Variants in SRP54 observed in about 807,000 individuals in gnomAD.
SRP54 encodes signal recognition particle subunit SRP54.
A neutral mutation model predicts 64.8 loss-of-function variants in SRP54; 10 were observed. The ratio of observed to expected loss-of-function variants is 0.15; its 90% CI spans 0.10 to 0.26. The LOEUF is 0.26. SRP54 is among the 10% of genes least tolerant of loss of function. The pLI is 1.00. For missense variants in SRP54, 325 were observed against 613.7 expected (o/e 0.53, Z 4.97); for synonymous variants, 193 against 185.6 (o/e 1.04, Z -0.32).
intron 4 of SRP54, among the ~76,000 whole-genome samples, chr14:35,004,964 TTCTC>T (rs1479484133): frequency 1.3e-5 from 2 of 152,312 alleles, no homozygotes; most frequent in African/African-American, 4.8e-5. Context: ...TTGGCAGACT[TTCTC>T]TCAAAGGTTT....
chr14:35,015,569 A>T (rs2139011182), intron 11 of SRP54, among the ~76,000 whole-genome samples: 1 of 152,278 alleles, frequency 6.6e-6, no homozygotes, highest in Non-Finnish European at 1.5e-5. Flanking sequence ...ATAACTTTTT[A>T]AATTACTTAG....
At chr14:35,012,046 G>A (rs12896759) in intron 8 of SRP54, among the ~76,000 whole-genome samples, 27,456 of 151,632 alleles carry the variant, frequency 0.18, 2,705 homozygotes, top group East Asian at 0.38. Context: ...GTGAAACTCC[G>A]TCTCTACTAA....
At chr14:34,993,564 T>G (rs2044016682) in intron 1 of SRP54, 1 of 152,208 alleles carries the variant, frequency 6.6e-6, no homozygotes, top group Non-Finnish European at 1.5e-5. Flanking sequence ...CTGGGATATC[T>G]GTTTGCCAGT....
At chr14:35,007,961 C>A (rs1306225960) in intron 5 of SRP54, among the ~76,000 whole-genome samples, 1 of 150,734 alleles carries the variant, frequency 6.6e-6, no homozygotes, top group Admixed American at 6.6e-5. Flanking sequence ...TATGCTATTT[C>A]TTTTATTAAA....
At chr14:35,028,278 G>A (rs1338844146) in intron 15 of SRP54, 95 bp downstream of exon 15, 9 of 727,852 alleles carry the variant, frequency 1.2e-5, no homozygotes, top group African/African-American at 3.6e-5. Flanking sequence ...ATGAAAATAT[G>A]TTCAAAAGGT....
chr14:34,999,702 GA>G (rs1216528679), intron 3 of SRP54, 53 bp downstream of exon 3: 1 of 1,278,186 alleles, frequency 7.8e-7, no homozygotes, highest in African/African-American at 1.5e-5. Flanking sequence ...TAGTTTACTG[GA>G]AAGAGGTGCT....
chr14:35,028,068 C>G lies in SRP54; in HGVS notation c.1328-20C>G, dbSNP rs187796104. On this transcript the variant is annotated intron_variant, in intron 14 of 15. Coordinates refer to ENST00000216774, the MANE Select transcript of SRP54 (RefSeq NM_003136.4). ...ATTACCTCCTACGCTGACTCAAAAT[C>G]TTTTTTTTTTTCCCCTCAGGTGGCG... The G allele has an allele frequency of 3.3e-4, 409 of 1,249,932 alleles. No homozygotes were observed. The African/African-American group carries it at 5.9e-3, about 18-fold the overall frequency. 77.4% of individuals were successfully genotyped at this position (1,249,932 alleles called of 1,614,324 possible).
chr14:34,995,260 G>T (rs55924250), intron 1 of SRP54, among the ~76,000 whole-genome samples: 2 of 151,576 alleles, frequency 1.3e-5, no homozygotes, highest in South Asian at 4.2e-4. Context: ...CCGTTATGGA[G>T]ACTTAAGTTT....
chr14:35,020,138 T>C (rs928791795), intron 13 of SRP54, among the ~76,000 whole-genome samples: 10 of 152,162 alleles, frequency 6.6e-5, no homozygotes, highest in African/African-American at 2.4e-4. Flanking sequence ...TGAGCCGAGA[T>C]TGTGTCATTG....
chr14:34,993,399 G>A (rs1215819309), intron 1 of SRP54: 1 of 152,122 alleles, frequency 6.6e-6, no homozygotes, highest in Non-Finnish European at 1.5e-5. Flanking sequence ...TGAGGTGGTT[G>A]GCTCTCAGGT....
At chr14:35,023,822 A>ACACACT (rs1315035618) in intron 14 of SRP54, among the ~76,000 whole-genome samples, 1 of 149,974 alleles carries the variant, frequency 6.7e-6, no homozygotes, top group Non-Finnish European at 1.5e-5. Flanking sequence ...ACACACACAC[A>ACACACT]CTTCTTCTGA....
chr14:35,003,905 G>A (rs982997727), intron 4 of SRP54, among the ~76,000 whole-genome samples: 8 of 150,652 alleles, frequency 5.3e-5, no homozygotes, highest in Non-Finnish European at 8.9e-5. Flanking sequence ...CTGCACTCCA[G>A]CCTGGGTGAC....
At chr14:35,018,407 A>G (rs1176881676) in intron 11 of SRP54, among the ~76,000 whole-genome samples, 4 of 152,050 alleles carry the variant, frequency 2.6e-5, no homozygotes, top group Non-Finnish European at 4.4e-5. Context: ...TACTCATCCT[A>G]GTAGGTGTAG....
chr14:34,994,605 A>C (rs1420069369), intron 1 of SRP54, among the ~76,000 whole-genome samples: 1 of 152,152 alleles, frequency 6.6e-6, no homozygotes, highest in African/African-American at 2.4e-5. Context: ...ATAAGGCATA[A>C]GTATGTCCCA....
At chr14:35,004,073 C>T (rs1012786579) in intron 4 of SRP54, among the ~76,000 whole-genome samples, 5 of 151,456 alleles carry the variant, frequency 3.3e-5, no homozygotes, top group Admixed American at 6.6e-5. Context: ...GGTGAAACTC[C>T]GTCTCTACTA....
chr14:34,988,578 A>AATATATATATAT (rs1555352766), intron 1 of SRP54, among the ~76,000 whole-genome samples: 1 of 47,098 alleles, frequency 2.1e-5, no homozygotes, highest in African/African-American at 6.7e-5. Flanking sequence ...AAAAAAAAAA[A>AATATATATATAT]ATATATATAT....
chr14:35,023,577 A>G (rs1213774201), intron 14 of SRP54, among the ~76,000 whole-genome samples: 2 of 152,094 alleles, frequency 1.3e-5, no homozygotes, highest in African/African-American at 4.8e-5. Flanking sequence ...TGAGGTCAGG[A>G]GTTCAAGACC....
chr14:35,027,616 T>G (rs1246977455), intron 14 of SRP54: 1 of 152,054 alleles, frequency 6.6e-6, no homozygotes, highest in Non-Finnish European at 1.5e-5. Flanking sequence ...ATTAGCTGGG[T>G]GTGGTGGCGG....
At chr14:35,002,436 A>G (rs1215297199) in intron 4 of SRP54, among the ~76,000 whole-genome samples, 2 of 151,208 alleles carry the variant, frequency 1.3e-5, no homozygotes, top group Non-Finnish European at 3.0e-5. Context: ...CATTGTTTGA[A>G]TATTTTCTTT....
Sources: allele counts gnomAD v4.1 joint callset (sites outside exome capture counted in the v4.1 genomes callset), GRCh38; gene constraint gnomAD v4.1.1; transcripts MANE v1.5; gene names NCBI Gene and HGNC (gene_info 2026-07-23, HGNC 2026-07-21).